Variants in TMEM87B observed in about 807,000 individuals in gnomAD.
TMEM87B encodes transmembrane protein 87B.
TMEM87B carries 83 observed loss-of-function variants against 80.3 expected under a neutral mutation model. The observed-to-expected ratio is 1.03, with a 90% CI of 0.87 to 1.24. TMEM87B has a LOEUF of 1.24. Ranked by LOEUF, TMEM87B falls within the 50% of genes most tolerant of loss-of-function variation. The pLI is 0.00. For synonymous variants in TMEM87B, 219 were observed against 230.5 expected (o/e 0.95, Z 0.45); for missense variants, 625 against 674.4 (o/e 0.93, Z 0.81).
At chr2:112,099,139 T>C (rs778119245) in intron 14 of TMEM87B, among the ~76,000 whole-genome samples, 2 of 152,082 alleles carry the variant, frequency 1.3e-5, no homozygotes, top group Non-Finnish European at 2.9e-5. Context: ...GTTCAGAAAG[T>C]TGTACTTGAG....
At chr2:112,088,383 C>T (rs1039651920) in intron 9 of TMEM87B, among the ~76,000 whole-genome samples, 1 of 152,150 alleles carries the variant, frequency 6.6e-6, no homozygotes, top group Non-Finnish European at 1.5e-5. Context: ...TTAGCTTGCT[C>T]GGCTCAACTC....
At chr2:112,115,591 T>G (rs1253307867) in intron 18 of TMEM87B, among the ~76,000 whole-genome samples, 1 of 152,248 alleles carries the variant, frequency 6.6e-6, no homozygotes, top group African/African-American at 2.4e-5. Flanking sequence ...AATTCATTTG[T>G]AATTTCAATA....
At chr2:112,064,418 A>C (rs1215777744) in intron 3 of TMEM87B, among the ~76,000 whole-genome samples, 165 bp downstream of exon 3, 3 of 152,378 alleles carry the variant, frequency 2.0e-5, no homozygotes, top group African/African-American at 7.2e-5. Context: ...CATGCTGAGA[A>C]TACTACGAGC....
At chr2:112,107,960 C>A in intron 17 of TMEM87B, 120 bp downstream of exon 17, 1 of 533,304 alleles carries the variant, frequency 1.9e-6, no homozygotes, top group Non-Finnish European at 3.3e-6. Flanking sequence ...GGGTAAGCCC[C>A]TATCACCAGT....
chr2:112,085,877 T>C, intron 8 of TMEM87B, 128 bp from the exon 9 acceptor site: 1 of 707,550 alleles, frequency 1.4e-6, no homozygotes, highest in Non-Finnish European at 2.3e-6. Context: ...TCAGTGACTT[T>C]TAAATCAAAT....
intron 1 of TMEM87B, among the ~76,000 whole-genome samples, chr2:112,056,082 T>G (rs1251780183): frequency 3.3e-5 from 5 of 152,114 alleles, no homozygotes; most frequent in Non-Finnish European, 7.4e-5. Flanking sequence ...ATCAGGAATC[T>G]CTCGGCACAT....
At chr2:112,109,763 T>C (rs1460682826) in intron 17 of TMEM87B, among the ~76,000 whole-genome samples, 3 of 145,446 alleles carry the variant, frequency 2.1e-5, no homozygotes, top group Non-Finnish European at 4.5e-5. Context: ...CAGCTACTTT[T>C]TTTTTTTTTT....
intron 11 of TMEM87B, among the ~76,000 whole-genome samples, chr2:112,093,697 TA>T (rs1214909768): frequency 6.6e-6 from 1 of 152,118 alleles, no homozygotes; most frequent in Non-Finnish European, 1.5e-5. Context: ...TTTTCTATGT[TA>T]AAAAAAATTA....
chr2:112,093,820 G>A (rs1373848767), intron 11 of TMEM87B, among the ~76,000 whole-genome samples: 1 of 152,208 alleles, frequency 6.6e-6, no homozygotes, highest in Non-Finnish European at 1.5e-5. Flanking sequence ...CCACAGGACT[G>A]CTTGTTAAGG....
chr2:112,057,054 G>C (rs1678096098), intron 1 of TMEM87B, among the ~76,000 whole-genome samples: 1 of 152,208 alleles, frequency 6.6e-6, no homozygotes, highest in African/African-American at 2.4e-5. Context: ...TCTTTGCCAA[G>C]TGTACTTCTT....
chr2:112,086,409 A>T (rs969089144), intron 9 of TMEM87B, among the ~76,000 whole-genome samples: 2 of 152,238 alleles, frequency 1.3e-5, no homozygotes, highest in African/African-American at 2.4e-5. Flanking sequence ...TTATTTAGAC[A>T]GTATCATTAA....
At position 112,106,001 on chromosome 2, in the gene TMEM87B, GC is replaced by G; in HGVS notation, c.1452del (p.Glu485LysfsTer3). The part of the protein sequence containing the change: ...EEFMVTSENL[T>X]EGIKLRASKS... ...ATATATGTTTATAATGTCTCTCGTA[GC>G]CGAAGGAATAAAATTAAGAGCCTCA... On this transcript the variant is annotated frameshift_variant and splice_region_variant, in exon 16 of 19. Transcript: ENST00000283206. LOFTEE classifies it high-confidence loss of function. 1 of 1,563,126 alleles carries G rather than the reference GC, an allele frequency of 6.4e-7. No individual in the cohort carries two copies. Among genetic ancestry groups the G allele is most frequent in the South Asian group, 1.2e-5 (1 of 82,112 alleles).
rs976006732 is a variant in TMEM87B, at chr2:112,077,073, T to C, written c.502-119T>C. Reference sequence around the variant, plus strand: ...AAAAAAAAAGGAAAAAATTAAAAAATAGAAAAATTTAAAAAGTAACCCGAT... The same window carrying C: ...AAAAAAAAAGGAAAAAATTAAAAAACAGAAAAATTTAAAAAGTAACCCGAT... On this transcript the variant is annotated intron_variant, in intron 5 of 18. Transcript: ENST00000283206. 2.5e-5 allele frequency: 10 copies of C among 408,154 alleles called. No homozygotes were observed. In the Admixed American group the frequency reaches 2.7e-4, roughly 11 times the overall value. The allele number at this position is 408,154 out of a possible 1,614,324, so 25.3% of individuals were successfully genotyped here. A position where few individuals can be genotyped will look rare whatever the true frequency, so the allele number is the denominator to read the frequency against.
rs74351187 is a variant in TMEM87B at position 112,097,908 on chromosome 2, A to G, written c.1272+617A>G. ...CCATGAAATTGAGTGGTTTGTATCTAGATGGACTAGAAATCTTAAGACTGG... is the reference window on the plus strand; with the variant it reads ...CCATGAAATTGAGTGGTTTGTATCTGGATGGACTAGAAATCTTAAGACTGG... On this transcript the variant is annotated intron_variant, in intron 13 of 18. Transcript: ENST00000283206. Among the ~76,000 whole-genome samples, 862 of 152,024 alleles carry G rather than the reference A, an allele frequency of 5.7e-3. 8 individuals carry two copies. The highest frequency in any genetic ancestry group is 0.018 in the African/African-American group (762 of 41,458).
rs115669080 is a variant in TMEM87B, at chr2:112,107,677, A to G, written c.1525-111A>G. ...CAACTTAGGACATATGTAGAAACTAAAAGAATGTCAAATATTTACATTTAA... is the reference window on the plus strand; with the variant it reads ...CAACTTAGGACATATGTAGAAACTAGAAGAATGTCAAATATTTACATTTAA... On this transcript the variant is annotated intron_variant, in intron 16 of 18. Transcript: ENST00000283206. 2,300 of 515,480 alleles carry G rather than the reference A, an allele frequency of 4.5e-3. 33 individuals are homozygous for G. Among genetic ancestry groups the G allele is most frequent in the African/African-American group, 0.041 (2,075 of 50,988 alleles). 31.9% of individuals were successfully genotyped at this position (515,480 alleles called of 1,614,324 possible). A position where few individuals can be genotyped will look rare whatever the true frequency, so the allele number is the denominator to read the frequency against.
At chr2:112,058,993 G>T (rs940715882) in intron 1 of TMEM87B, among the ~76,000 whole-genome samples, 2 of 152,212 alleles carry the variant, frequency 1.3e-5, no homozygotes, top group African/African-American at 4.8e-5. Flanking sequence ...TTTAAAACAG[G>T]TTTGTCTGTT....
At chr2:112,099,426 C>T (rs773450568) in intron 14 of TMEM87B, among the ~76,000 whole-genome samples, 1 of 151,364 alleles carries the variant, frequency 6.6e-6, no homozygotes, top group Non-Finnish European at 1.5e-5. Flanking sequence ...TGAAAACATC[C>T]AAAACTCAAA....
intron 4 of TMEM87B, among the ~76,000 whole-genome samples, chr2:112,072,251 T>C (rs1164061137): frequency 1.3e-5 from 2 of 152,194 alleles, no homozygotes; most frequent in African/African-American, 2.4e-5. Context: ...TCTTTTGTCA[T>C]GTCTCTTCTA....
chr2:112,111,479 G>C (rs1679914764), intron 17 of TMEM87B, among the ~76,000 whole-genome samples: 1 of 152,140 alleles, frequency 6.6e-6, no homozygotes, highest in Non-Finnish European at 1.5e-5. Context: ...CTTCTTATTT[G>C]ATGTCTTCAT....
Sources: gnomAD v4.1 joint callset for allele counts (sites outside exome capture counted in the v4.1 genomes callset) on GRCh38, gnomAD v4.1.1 for gene constraint, MANE v1.5 for transcripts, NCBI Gene and HGNC (gene_info 2026-07-23, HGNC 2026-07-21) for gene names.